SIRPD: variants seen among roughly 807,000 people sequenced by gnomAD.
SIRPD encodes the protein signal-regulatory protein delta.
A neutral mutation model predicts 18.0 loss-of-function variants in SIRPD; 21 were observed. The observed-to-expected ratio is 1.17, with a 90% CI of 0.83 to 1.68. The LOEUF (loss-of-function observed/expected upper bound fraction) is 1.68. Ranked by LOEUF, SIRPD falls within the 40% of genes most tolerant of loss-of-function variation. SIRPD has a pLI of 0.00. For missense variants in SIRPD, 295 were observed against 238.4 expected (o/e 1.24, Z -1.56); for synonymous variants, 106 against 92.9 (o/e 1.14, Z -0.81).
intron 2 of SIRPD, among the ~76,000 whole-genome samples, chr20:1,549,126 C>T (rs1284216384): frequency 6.6e-6 from 1 of 152,056 alleles, no homozygotes; most frequent in Non-Finnish European, 1.5e-5. Flanking sequence ...TGTTAATCCC[C>T]TCTAGGGTAA....
intron 2 of SIRPD, among the ~76,000 whole-genome samples, chr20:1,538,249 G>A (rs2090955952): frequency 6.6e-6 from 1 of 152,188 alleles, no homozygotes; most frequent in Non-Finnish European, 1.5e-5. Context: ...GGGGTGGAAT[G>A]AAAGGGGCCA....
At chr20:1,557,506 G>T in intron 1 of SIRPD, 75 bp downstream of exon 1, 1 of 1,264,658 alleles carries the variant, frequency 7.9e-7, no homozygotes, top group South Asian at 2.1e-5. Flanking sequence ...AATTCTATGG[G>T]AACAGGTGAG....
intron 2 of SIRPD, among the ~76,000 whole-genome samples, chr20:1,548,777 C>T (rs1056731993): frequency 3.9e-5 from 6 of 152,028 alleles, no homozygotes; most frequent in Non-Finnish European, 2.9e-5. Flanking sequence ...TTTAATATTC[C>T]TTTTTATTTC....
chr20:1,550,550 C>G (rs6110434), intron 2 of SIRPD, among the ~76,000 whole-genome samples: 2 of 152,160 alleles, frequency 1.3e-5, no homozygotes, highest in African/African-American at 4.8e-5. Context: ...AAATCCAATC[C>G]TTTAGTCCCT....
intron 2 of SIRPD, among the ~76,000 whole-genome samples, chr20:1,551,107 T>C (rs2091016996): frequency 6.6e-6 from 1 of 152,226 alleles, no homozygotes; most frequent in Non-Finnish European, 1.5e-5. Context: ...AGCAAGGAGA[T>C]GTTTTCTTTC....
At chr20:1,554,346 G>A (rs1008455341) in intron 1 of SIRPD, 2 of 152,540 alleles carry the variant, frequency 1.3e-5, no homozygotes, top group Admixed American at 1.3e-4. Context: ...GGCTCAAGAT[G>A]CTCTGAGGGT....
chr20:1,542,327 G>A (rs1039892815), intron 2 of SIRPD, among the ~76,000 whole-genome samples: 3 of 152,062 alleles, frequency 2.0e-5, no homozygotes, highest in Admixed American at 1.3e-4. Context: ...GCAGTGGTTC[G>A]TAGTTCTCCT....
chr20:1,557,259 A>G (rs2091045495), intron 1 of SIRPD, among the ~76,000 whole-genome samples: 6 of 152,098 alleles, frequency 3.9e-5, no homozygotes, highest in Admixed American at 3.9e-4. Context: ...TCTCAAAAAA[A>G]TAAGTAAAGG....
intron 2 of SIRPD, among the ~76,000 whole-genome samples, chr20:1,547,921 G>T (rs1164068280): frequency 6.6e-6 from 1 of 151,970 alleles, no homozygotes; most frequent in East Asian, 1.9e-4. Flanking sequence ...ATAGATTTTT[G>T]TATATTGAAC....
intron 2 of SIRPD, among the ~76,000 whole-genome samples, chr20:1,547,849 T>G (rs1016989508): frequency 3.3e-5 from 5 of 152,246 alleles, no homozygotes; most frequent in African/African-American, 1.2e-4. Flanking sequence ...AGTATAAATT[T>G]GCACTTCTTT....
At chr20:1,551,343 G>A (rs1374723692) in intron 2 of SIRPD, among the ~76,000 whole-genome samples, 2 of 152,186 alleles carry the variant, frequency 1.3e-5, no homozygotes, top group African/African-American at 4.8e-5. Context: ...CTGCAAGCCT[G>A]TCTTTTTCTC....
At chr20:1,543,438 G>A (rs188691461) in intron 2 of SIRPD, among the ~76,000 whole-genome samples, 4 of 147,298 alleles carry the variant, frequency 2.7e-5, no homozygotes, top group Admixed American at 2.7e-4. Flanking sequence ...TATAGTATTC[G>A]CTGATGGTAG....
intron 1 of SIRPD, 161 bp from the exon 2 acceptor site, chr20:1,552,199 A>G (rs993548096): frequency 4.7e-6 from 3 of 632,856 alleles, no homozygotes; most frequent in African/African-American, 3.7e-5. Context: ...GCTTCTCCCT[A>G]GAGTGCTGAA....
At chr20:1,555,804 A>G (rs1250956783) in intron 1 of SIRPD, among the ~76,000 whole-genome samples, 1 of 152,214 alleles carries the variant, frequency 6.6e-6, no homozygotes, top group Non-Finnish European at 1.5e-5. Context: ...CATATTAATT[A>G]TTTCACAATT....
At chr20:1,551,663 G>A (rs370029585) in intron 2 of SIRPD, 28 bp downstream of exon 2, 1 of 1,525,008 alleles carries the variant, frequency 6.6e-7, no homozygotes, top group Admixed American at 1.8e-5. Context: ...ATACACCAGG[G>A]GGTATGGGGT....
In SIRPD at chr20:1,535,031, A is replaced by T. The variant is rs143296148; in HGVS notation, c.578-590T>A. ...GTTTGATGCATGGCCCATGTCCAAG[A>T]ATAGGAGTGAGTTAGATAAATGATG... On this transcript the variant is annotated intron_variant, in intron 3 of 3. Coordinates refer to ENST00000381623, the MANE Select transcript of SIRPD (RefSeq NM_178460.3). Among the ~76,000 whole-genome samples the T allele has an allele frequency of 7.9e-5, 12 of 152,334 alleles. No individual in the cohort carries two copies. The East Asian group carries it at 2.3e-3, about 29-fold the overall frequency.
At chr20:1,549,985 C>T (rs1311569012) in intron 2 of SIRPD, among the ~76,000 whole-genome samples, 1 of 152,204 alleles carries the variant, frequency 6.6e-6, no homozygotes, top group African/African-American at 2.4e-5. Flanking sequence ...AGATATTGAA[C>T]TCATTCACAG....
At chr20:1,540,223 A>G (rs1029951804) in intron 2 of SIRPD, 3 of 443,264 alleles carry the variant, frequency 6.8e-6, no homozygotes, top group Non-Finnish European at 1.4e-5. Context: ...AAGCCAAAAG[A>G]GAAAGGGAAT....
chr20:1,542,489 G>A (rs763916583), intron 2 of SIRPD, among the ~76,000 whole-genome samples: 2 of 152,136 alleles, frequency 1.3e-5, no homozygotes, highest in Non-Finnish European at 2.9e-5. Flanking sequence ...TATTGATTTT[G>A]TATCCTGAGA....
Sources: allele counts gnomAD v4.1 joint callset (sites outside exome capture counted in the v4.1 genomes callset), GRCh38; gene constraint gnomAD v4.1.1; transcripts MANE v1.5; gene names NCBI Gene and HGNC (gene_info 2026-07-23, HGNC 2026-07-21).